Variants in GSPT1 observed in about 807,000 individuals in gnomAD.
GSPT1 encodes the protein eukaryotic peptide chain release factor GTP-binding subunit ERF3A.
In GSPT1, 20 loss-of-function variants were observed where a neutral mutation model predicts 72.5. That is an observed-to-expected ratio of 0.28 (90% CI 0.19 to 0.40). The LOEUF is 0.40. Ranked by LOEUF, GSPT1 falls within the 10% of genes least tolerant of loss-of-function variation. The pLI is 1.00. For missense variants in GSPT1, 580 were observed against 811.9 expected (o/e 0.71, Z 3.47); for synonymous variants, 334 against 293.5 (o/e 1.14, Z -1.41).
intron 5 of GSPT1, 147 bp downstream of exon 5, chr16:11,894,807 A>T (rs1054544038): frequency 7.1e-6 from 4 of 567,066 alleles, no homozygotes; most frequent in African/African-American, 5.7e-5. Flanking sequence ...ACTTCTTAAC[A>T]TCAGTATTGT....
At position 11,903,404 on chromosome 16, in the gene GSPT1, G is replaced by A. The variant is rs777391317; in HGVS notation, c.353-5369C>T. On this transcript the variant is annotated intron_variant, in intron 1 of 14. Transcript: ENST00000434724. Reference sequence around the variant, plus strand: ...GGTGCCTATAATCCCAGATACTCAGGAGGCTGAGCCAGGAGAATCTGGCAA... The same window carrying A: ...GGTGCCTATAATCCCAGATACTCAGAAGGCTGAGCCAGGAGAATCTGGCAA... Among the ~76,000 whole-genome samples the A allele has an allele frequency of 6.3e-4, 96 of 152,294 alleles. 1 individual carries two copies. The highest frequency in any genetic ancestry group is 5.0e-3 in the Admixed American group (76 of 15,290).
chr16:11,914,295 T>C (rs900000546), intron 1 of GSPT1, among the ~76,000 whole-genome samples: 1 of 152,164 alleles, frequency 6.6e-6, no homozygotes, highest in African/African-American at 2.4e-5. Flanking sequence ...GAAAGCAAGC[T>C]ACCTACCACA....
intron 11 of GSPT1, chr16:11,882,641 A>G: frequency 6.2e-6 from 1 of 162,132 alleles, no homozygotes. Context: ...TGCAAATCTC[A>G]GCAACTGAAC....
chr16:11,888,340 T>C (rs2054210150), intron 6 of GSPT1, among the ~76,000 whole-genome samples: 1 of 150,368 alleles, frequency 6.7e-6, no homozygotes, highest in African/African-American at 2.5e-5. Flanking sequence ...TGCACACCTG[T>C]AGTCACAGCT....
rs1423254286 is a variant in GSPT1, at chr16:11,912,027, A to G, written c.352+3342T>C. On this transcript the variant is annotated intron_variant, in intron 1 of 14. Coordinates refer to ENST00000434724, the MANE Select transcript of GSPT1 (RefSeq NM_002094.4). ...GAAAAGGGTGAATTTTACAGTGTGT[A>G]AGTTAAATGTCAATCATTTAAAAAA... Among the ~76,000 whole-genome samples, 9 of 144,982 alleles carry G rather than the reference A, an allele frequency of 6.2e-5. No homozygotes were observed. In the South Asian group the frequency reaches 1.8e-3, roughly 28 times the overall value.
chr16:11,912,092 C>G (rs531921435), intron 1 of GSPT1, among the ~76,000 whole-genome samples: 2 of 145,142 alleles, frequency 1.4e-5, no homozygotes, highest in African/African-American at 5.1e-5. Flanking sequence ...CCTGTAATCC[C>G]GGCACTTTGG....
Position 11,915,751 on chromosome 16 carries a change from A to C in GSPT1, c.-31T>G. The C allele has an allele frequency of 6.5e-7, 1 of 1,546,874 alleles. No individual in the cohort carries two copies. The highest frequency in any genetic ancestry group is 8.7e-7 in the Non-Finnish European group (1 of 1,153,024). On this transcript the variant is annotated 5_prime_UTR_variant, in exon 1 of 15. Transcript: ENST00000434724. ...GGGGGGCCGTGTGTGTGGTGGACAG[A>C]GAGCGGGAAATGGAGGCAGGGGCGC...
At position 11,869,715 on chromosome 16, in the gene GSPT1, T is replaced by G. The variant is rs1265319606; in HGVS notation, c.*3404A>C. ...CAGTCCATGAGGAAGTCCATGCCAGTAAGAAAAGGTGCTAGAGTGCTGTTA... is the reference window on the plus strand; with the variant it reads ...CAGTCCATGAGGAAGTCCATGCCAGGAAGAAAAGGTGCTAGAGTGCTGTTA... On this transcript the variant is annotated 3_prime_UTR_variant, in exon 15 of 15. Coordinates refer to ENST00000434724, the MANE Select transcript of GSPT1 (RefSeq NM_002094.4). 1.3e-5 allele frequency: 2 copies of G among 152,198 alleles called. No homozygotes were observed. Among genetic ancestry groups the G allele is most frequent in the African/African-American group, 4.8e-5 (2 of 41,444 alleles). The allele number at this position is 152,198 out of a possible 1,614,324, so 9.4% of individuals were successfully genotyped here. A position where few individuals can be genotyped will look rare whatever the true frequency, so the allele number is the denominator to read the frequency against.
chr16:11,909,045 G>A (rs2054525031), intron 1 of GSPT1: 2 of 150,026 alleles, frequency 1.3e-5, no homozygotes, highest in South Asian at 4.2e-4. Flanking sequence ...GAGTTCTACA[G>A]AAATATTCAA....
intron 11 of GSPT1, among the ~76,000 whole-genome samples, chr16:11,879,179 A>C (rs1414596466): frequency 6.8e-6 from 1 of 147,698 alleles, no homozygotes; most frequent in Admixed American, 6.8e-5. Flanking sequence ...GGTGGATCAC[A>C]AGGTCAGGAG....
intron 1 of GSPT1, among the ~76,000 whole-genome samples, chr16:11,902,827 T>C (rs2054431843): frequency 6.6e-6 from 1 of 151,950 alleles, no homozygotes; most frequent in Admixed American, 6.6e-5. Flanking sequence ...CCTCATGTGA[T>C]CTGCCTGCCT....
At chr16:11,897,182 T>A (rs992545699) in intron 3 of GSPT1, among the ~76,000 whole-genome samples, 8 of 152,226 alleles carry the variant, frequency 5.3e-5, no homozygotes, top group African/African-American at 1.9e-4. Context: ...TAGGAAATAT[T>A]TTCTTTTTCC....
At chr16:11,901,252 T>C (rs2054402451) in intron 1 of GSPT1, among the ~76,000 whole-genome samples, 1 of 152,200 alleles carries the variant, frequency 6.6e-6, no homozygotes, top group South Asian at 2.1e-4. Flanking sequence ...TATTCATGAC[T>C]CACATAACAT....
chr16:11,891,496 G>A (rs1254767659), intron 5 of GSPT1, among the ~76,000 whole-genome samples: 2 of 151,084 alleles, frequency 1.3e-5, no homozygotes, highest in Non-Finnish European at 2.9e-5. Context: ...TGAGTAGCTG[G>A]GATTACAGGC....
intron 6 of GSPT1, among the ~76,000 whole-genome samples, chr16:11,889,330 T>G: frequency 2.0e-5 from 1 of 51,260 alleles, no homozygotes; most frequent in South Asian, 8.6e-4. Flanking sequence ...CCTCTTCTTC[T>G]TTTTTTTTTT....
At chr16:11,910,213 A>G (rs546858795) in intron 1 of GSPT1, among the ~76,000 whole-genome samples, 2 of 152,212 alleles carry the variant, frequency 1.3e-5, no homozygotes, top group Non-Finnish European at 1.5e-5. Flanking sequence ...ATTCGCAAAG[A>G]ACAGTGAGCA....
At chr16:11,876,023 G>A in intron 13 of GSPT1, 63 bp downstream of exon 13, 1 of 1,451,866 alleles carries the variant, frequency 6.9e-7, no homozygotes, top group Non-Finnish European at 9.7e-7. Context: ...CACTGTTGCT[G>A]ATTAGAAATT....
At chr16:11,887,144 A>G (rs1452895747) in intron 7 of GSPT1, among the ~76,000 whole-genome samples, 3 of 151,748 alleles carry the variant, frequency 2.0e-5, no homozygotes, top group Non-Finnish European at 4.4e-5. Flanking sequence ...AATCTAGTAT[A>G]CCTGCATATT....
intron 1 of GSPT1, among the ~76,000 whole-genome samples, chr16:11,900,257 C>T (rs1336879576): frequency 1.3e-5 from 2 of 150,686 alleles, no homozygotes; most frequent in East Asian, 3.9e-4. Context: ...CGCTTGAACC[C>T]GGGAGGTGGA....
Sources: gnomAD v4.1 joint callset for allele counts (sites outside exome capture counted in the v4.1 genomes callset) on GRCh38, gnomAD v4.1.1 for gene constraint, MANE v1.5 for transcripts, NCBI Gene and HGNC (gene_info 2026-07-23, HGNC 2026-07-21) for gene names.